PIK3C2G: variants seen among roughly 807,000 people sequenced by gnomAD.
The protein encoded by PIK3C2G is phosphatidylinositol 3-kinase C2 domain-containing subunit gamma.
A neutral mutation model predicts 181.1 loss-of-function variants in PIK3C2G; 168 were observed. The observed-to-expected ratio is 0.93, with a 90% confidence interval of 0.82 to 1.05. PIK3C2G has a LOEUF of 1.05. PIK3C2G is among the 50% of genes least tolerant of loss of function. PIK3C2G has a pLI of 0.00. For missense variants in PIK3C2G, 1,869 were observed against 1,732.8 expected, an observed-to-expected ratio of 1.08 and a Z score of -1.40; for synonymous variants, 573 against 592.2, an observed-to-expected ratio of 0.97 and a Z score of 0.47.
rs1033347646 is a variant in PIK3C2G, at chr12:18,317,305, C to G, written c.1137+3241C>G. 3.3e-5 allele frequency among the ~76,000 whole-genome samples: 5 copies of G among 151,950 alleles called. No individual in the cohort carries two copies. The East Asian group carries it at 9.7e-4, about 29-fold the overall frequency. Reference sequence around the variant, plus strand: ...GGATTACAGGCATGAGCCACTGTGCCTGGTCCAAGTCTTGATAGTTTCAGG... The same window carrying G: ...GGATTACAGGCATGAGCCACTGTGCGTGGTCCAAGTCTTGATAGTTTCAGG... On this transcript the variant is annotated intron_variant, in intron 6 of 32. Coordinates refer to ENST00000538779, the MANE Select transcript of PIK3C2G (RefSeq NM_001288772.2).
intron 8 of PIK3C2G, among the ~76,000 whole-genome samples, chr12:18,337,017 G>A (rs1228653141): frequency 6.6e-6 from 1 of 152,076 alleles, no homozygotes; most frequent in East Asian, 1.9e-4. Context: ...ACATATCTTT[G>A]TGTGAAAATA....
chr12:18,650,704 GTATATATCTATATATATATATATATA>G (rs1950449783), downstream of PIK3C2G, among the ~76,000 whole-genome samples: 5 of 57,762 alleles, frequency 8.7e-5, no homozygotes, highest in African/African-American at 2.6e-4. Flanking sequence ...GTGTGTGTGT[GTATATATCTATATATATATATATATA>G]TATATATATA....
the PIK3C2G span, among the ~76,000 whole-genome samples, chr12:18,674,597 G>A: frequency 2.0e-5 from 3 of 152,148 alleles, no homozygotes; most frequent in Non-Finnish European, 4.4e-5. Flanking sequence ...TCTTGAGAGA[G>A]TAAACCTACA....
chr12:18,720,717 A>G, the PIK3C2G span, among the ~76,000 whole-genome samples: 2 of 152,024 alleles, frequency 1.3e-5, no homozygotes, highest in African/African-American at 4.8e-5. Context: ...AGAGAATTTT[A>G]TTTCCAGGAA....
At position 18,488,616 on chromosome 12, in the gene PIK3C2G, AC is replaced by A; in HGVS notation, c.2674del (p.His892IlefsTer7). ...DIGERVKSAS[D>X]HQRQEVLKKE... ...GGGGAAAGAGTCAAGTCTGCCAGTG[AC>A]CATCAAAGACAGGTTTGTTGAAATA... On this transcript the variant is annotated frameshift_variant, in exon 19 of 33. Transcript: ENST00000538779. LOFTEE classifies it high-confidence loss of function. 6.6e-7 allele frequency: 1 copy of A among 1,515,796 alleles called. No homozygotes were observed. The highest frequency in any genetic ancestry group is 8.8e-7 in the Non-Finnish European group (1 of 1,130,740). The allele number at this position is 1,515,796 out of a possible 1,614,324, so 93.9% of individuals were successfully genotyped here.
chr12:18,721,201 T>G, the PIK3C2G span, among the ~76,000 whole-genome samples: 2 of 152,118 alleles, frequency 1.3e-5, no homozygotes, highest in Non-Finnish European at 2.9e-5. Flanking sequence ...GAAAATAAAC[T>G]CATTTTGTTC....
intron 29 of PIK3C2G, among the ~76,000 whole-genome samples, chr12:18,586,091 A>G (rs777097935): frequency 3.3e-5 from 5 of 152,136 alleles, no homozygotes; most frequent in Non-Finnish European, 7.4e-5. Flanking sequence ...CCACATCAAA[A>G]AGTTAGAAAC....
chr12:18,332,502 G>T (rs900584970), intron 8 of PIK3C2G, among the ~76,000 whole-genome samples: 1 of 151,934 alleles, frequency 6.6e-6, no homozygotes, highest in Admixed American at 6.6e-5. Flanking sequence ...TATCTGTGTC[G>T]TTCACAGTAA....
intron 5 of PIK3C2G, among the ~76,000 whole-genome samples, chr12:18,302,838 C>T (rs1950231310): frequency 6.6e-6 from 1 of 151,968 alleles, no homozygotes; most frequent in South Asian, 2.1e-4. Flanking sequence ...GATTCCCAGC[C>T]CCACGGATAT....
intron 3 of PIK3C2G, among the ~76,000 whole-genome samples, chr12:18,289,788 T>C (rs1436938943): frequency 6.6e-6 from 1 of 152,164 alleles, no homozygotes; most frequent in Non-Finnish European, 1.5e-5. Flanking sequence ...AATAAAGCTT[T>C]AGTGCTACAA....
At chr12:18,278,305 C>G (rs1339836914) in intron 1 of PIK3C2G, among the ~76,000 whole-genome samples, 1 of 152,148 alleles carries the variant, frequency 6.6e-6, no homozygotes, top group African/African-American at 2.4e-5. Context: ...GTCTTATGTT[C>G]CTAGCCATGT....
At chr12:18,418,788 G>T (rs918029273) in intron 16 of PIK3C2G, among the ~76,000 whole-genome samples, 1 of 152,066 alleles carries the variant, frequency 6.6e-6, no homozygotes, top group Non-Finnish European at 1.5e-5. Flanking sequence ...AAATGAGCCT[G>T]CCCTCAATGA....
At chr12:18,317,913 A>G (rs370572251) in intron 6 of PIK3C2G, among the ~76,000 whole-genome samples, 40 of 152,360 alleles carry the variant, frequency 2.6e-4, no homozygotes, top group African/African-American at 8.9e-4. Flanking sequence ...ATAAATGAAG[A>G]GCTTAAGTCA....
At chr12:18,614,606 T>C (rs1948505392) in intron 31 of PIK3C2G, among the ~76,000 whole-genome samples, 1 of 152,148 alleles carries the variant, frequency 6.6e-6, no homozygotes, top group Admixed American at 6.6e-5. Context: ...GCTTAATAAA[T>C]GTTGGCTTTA....
At chr12:18,459,587 C>T (rs1371326797) in intron 18 of PIK3C2G, among the ~76,000 whole-genome samples, 1 of 152,066 alleles carries the variant, frequency 6.6e-6, no homozygotes, top group Non-Finnish European at 1.5e-5. Context: ...ATTCAAATTC[C>T]ACTATTTGGA....
chr12:18,459,563 T>C (rs563798290), intron 18 of PIK3C2G, among the ~76,000 whole-genome samples: 1 of 152,290 alleles, frequency 6.6e-6, no homozygotes, highest in East Asian at 1.9e-4. Flanking sequence ...ATCTTTCCTG[T>C]TAGGAACAAT....
the PIK3C2G span, chr12:18,723,180 T>C: frequency 0.025 from 18,256 of 743,292 alleles, 781 homozygotes; most frequent in African/African-American, 0.16. Context: ...CTCAAAGATA[T>C]TTGACCCATC....
chr12:18,650,325 C>CTA (rs1215059836), downstream of PIK3C2G, among the ~76,000 whole-genome samples: 620 of 74,672 alleles, frequency 8.3e-3, 1 homozygote, highest in Non-Finnish European at 9.8e-3. Flanking sequence ...CTCTCTCTCT[C>CTA]TCTCTCTATA....
chr12:18,371,134 T>A (rs1191477949), intron 12 of PIK3C2G, 46 bp from the exon 13 acceptor site: 1 of 1,460,846 alleles, frequency 6.8e-7, no homozygotes, highest in Admixed American at 2.1e-5. Flanking sequence ...CATTAAAATA[T>A]CAGTACAATT....
Sources: gnomAD v4.1 joint callset for allele counts (sites outside exome capture counted in the v4.1 genomes callset) on GRCh38, gnomAD v4.1.1 for gene constraint, MANE v1.5 for transcripts, NCBI Gene and HGNC (gene_info 2026-07-23, HGNC 2026-07-21) for gene names.